PACRG: variants seen among roughly 807,000 people sequenced by gnomAD.
PACRG encodes parkin coregulated gene protein.
Under a neutral mutation model 29.7 loss-of-function variants are expected in PACRG, and 29 were observed. The observed-to-expected ratio is 0.98, with a 90% CI of 0.73 to 1.33. The LOEUF (loss-of-function observed/expected upper bound fraction) is 1.33, where lower values mean the gene tolerates loss of function less well. PACRG is among the 40% of genes most tolerant of loss of function. The pLI is 0.00. For missense variants in PACRG, 279 were observed against 316.2 expected, an observed-to-expected ratio of 0.88 and a Z score of 0.89; for synonymous variants, 116 against 118.7, an observed-to-expected ratio of 0.98 and a Z score of 0.15.
intron 4 of PACRG, among the ~76,000 whole-genome samples, chr6:163,296,384 C>T (rs916599086): frequency 6.6e-6 from 1 of 152,136 alleles, no homozygotes; most frequent in Non-Finnish European, 1.5e-5. Context: ...CAAACTCCAC[C>T]TCCCGAGTTC....
intron 2 of PACRG, among the ~76,000 whole-genome samples, chr6:162,998,577 GTTCTT>G (rs1325367947): frequency 1.3e-5 from 2 of 152,152 alleles, no homozygotes; most frequent in African/African-American, 4.8e-5. Context: ...CTAGCATGGT[GTTCTT>G]TTCTTTATGA....
intron 1 of PACRG, among the ~76,000 whole-genome samples, chr6:162,780,089 A>T (rs1375871307): frequency 6.6e-6 from 1 of 152,246 alleles, no homozygotes; most frequent in Non-Finnish European, 1.5e-5. Context: ...GGTCCCCCTC[A>T]GTGCATGTGT....
chr6:163,126,994 C>T (rs1190490054), intron 4 of PACRG, among the ~76,000 whole-genome samples: 5 of 152,192 alleles, frequency 3.3e-5, no homozygotes, highest in Non-Finnish European at 5.9e-5. Flanking sequence ...AGCTCTTCAT[C>T]GCTAAGTAGC....
intron 2 of PACRG, among the ~76,000 whole-genome samples, chr6:162,967,916 A>C (rs770842211): frequency 6.6e-6 from 1 of 152,348 alleles, no homozygotes; most frequent in East Asian, 1.9e-4. Context: ...TATAAATGCA[A>C]ATTTTGAAAG....
At chr6:163,273,608 G>A (rs965272270) in intron 4 of PACRG, among the ~76,000 whole-genome samples, 5 of 151,982 alleles carry the variant, frequency 3.3e-5, no homozygotes, top group Non-Finnish European at 5.9e-5. Flanking sequence ...AAATGTATTT[G>A]CACAGTTAAA....
chr6:162,893,338 C>T (rs772280043), intron 2 of PACRG, among the ~76,000 whole-genome samples: 6 of 152,064 alleles, frequency 3.9e-5, no homozygotes, highest in Non-Finnish European at 8.8e-5. Flanking sequence ...ACAGACAGGG[C>T]AGGGTAAATG....
intron 1 of PACRG, among the ~76,000 whole-genome samples, chr6:162,754,212 A>G (rs569034817): frequency 6.6e-6 from 1 of 152,276 alleles, no homozygotes; most frequent in African/African-American, 2.4e-5. Context: ...TTTGTTTTTA[A>G]TATGCATTTT....
intron 2 of PACRG, among the ~76,000 whole-genome samples, chr6:162,972,971 A>G (rs991604272): frequency 1.3e-5 from 2 of 152,234 alleles, no homozygotes; most frequent in Non-Finnish European, 2.9e-5. Flanking sequence ...CCACCATGTC[A>G]TACTTTTGAA....
chr6:162,795,040 A>G (rs1785258577), intron 1 of PACRG, among the ~76,000 whole-genome samples: 2 of 152,110 alleles, frequency 1.3e-5, no homozygotes, highest in Admixed American at 1.3e-4. Flanking sequence ...GGTAGGTCGC[A>G]TTAAGAAAGG....
At chr6:163,212,979 C>T (rs1360266610) in intron 4 of PACRG, among the ~76,000 whole-genome samples, 4 of 152,086 alleles carry the variant, frequency 2.6e-5, no homozygotes, top group Non-Finnish European at 5.9e-5. Flanking sequence ...GGGGTTTCAC[C>T]TTGTTAGCCA....
intron 2 of PACRG, among the ~76,000 whole-genome samples, chr6:162,846,693 C>T (rs1790410060): frequency 6.6e-6 from 1 of 152,240 alleles, no homozygotes; most frequent in South Asian, 2.1e-4. Flanking sequence ...ACAGAAGGCA[C>T]CACCATATTT....
intron 4 of PACRG, among the ~76,000 whole-genome samples, chr6:163,202,141 G>A (rs1035895708): frequency 3.9e-5 from 6 of 152,144 alleles, no homozygotes; most frequent in African/African-American, 7.2e-5. Flanking sequence ...TGTCCCGGCC[G>A]GCTGCTGGGA....
At chr6:163,044,406 A>G (rs1300012830) in intron 2 of PACRG, among the ~76,000 whole-genome samples, 1 of 152,164 alleles carries the variant, frequency 6.6e-6, no homozygotes, top group Admixed American at 6.5e-5. Context: ...GGCTCAAGCA[A>G]TCCTCCTGCC....
chr6:163,282,481 C>T lies in PACRG; in HGVS notation c.614-32346C>T, dbSNP rs559671373. Among the ~76,000 whole-genome samples, 7 of 152,260 alleles carry T rather than the reference C, an allele frequency of 4.6e-5. No individual in the cohort carries two copies. In the South Asian group the frequency reaches 1.0e-3, roughly 23 times the overall value. ...ATCCCAGTACTTTGGGAGGACGAGG[C>T]AGGTGGATCACCTGAGGTCAGGAGT... On this transcript the variant is annotated intron_variant, in intron 4 of 4. Coordinates refer to ENST00000366888, the MANE Select transcript of PACRG (RefSeq NM_001080379.2).
intron 2 of PACRG, among the ~76,000 whole-genome samples, chr6:162,958,876 TATATATATAGAGAGAG>T (rs1226700317): frequency 1.0e-3 from 30 of 30,044 alleles, no homozygotes; most frequent in African/African-American, 3.0e-3. Context: ...TATATATATA[TATATATATAGAGAGAG>T]AGAGAGAGAG....
At chr6:162,790,024 G>T (rs980334527) in intron 1 of PACRG, among the ~76,000 whole-genome samples, 1 of 152,118 alleles carries the variant, frequency 6.6e-6, no homozygotes, top group Non-Finnish European at 1.5e-5. Flanking sequence ...ATCTCAAATA[G>T]TAGGCAATTT....
rs558896946 is a variant in PACRG, at chr6:163,117,609, G to A, written c.613+28201G>A. Among the ~76,000 whole-genome samples the A allele has an allele frequency of 2.0e-5, 3 of 152,152 alleles. No individual in the cohort carries two copies. In the South Asian group the frequency reaches 6.2e-4, roughly 32 times the overall value. ...TCTACTAAAAATACAAAATGAGCTG[G>A]GCTTGGTGGTGGGAACCTGTAATCC... On this transcript the variant is annotated intron_variant, in intron 4 of 4. Transcript: ENST00000366888.
intron 4 of PACRG, among the ~76,000 whole-genome samples, chr6:163,107,363 A>G (rs972265536): frequency 6.6e-6 from 1 of 152,220 alleles, no homozygotes; most frequent in African/African-American, 2.4e-5. Context: ...AACACTTAGT[A>G]TGTCACAAAC....
chr6:162,983,407 G>A (rs184320140), intron 2 of PACRG, among the ~76,000 whole-genome samples: 1 of 151,962 alleles, frequency 6.6e-6, no homozygotes. Flanking sequence ...TATAGGCCCT[G>A]TGAGATTTAT....
Sources: allele counts gnomAD v4.1 joint callset (sites outside exome capture counted in the v4.1 genomes callset), GRCh38; gene constraint gnomAD v4.1.1; transcripts MANE v1.5; gene names NCBI Gene and HGNC (gene_info 2026-07-23, HGNC 2026-07-21).